Variants in SLC36A1 observed in about 807,000 individuals in gnomAD.
SLC36A1 encodes the protein solute carrier family 36 member 1.
SLC36A1 carries 30 observed loss-of-function variants against 47.5 expected under a neutral mutation model. The ratio of observed to expected loss-of-function variants is 0.63; its 90% CI spans 0.47 to 0.86. SLC36A1 has a LOEUF of 0.86. SLC36A1 is among the 40% of genes least tolerant of loss of function. The pLI is 0.00. For synonymous variants in SLC36A1, 255 were observed against 249.7 expected (o/e 1.02, Z -0.20); for missense variants, 517 against 606.0 (o/e 0.85, Z 1.54).
intron 3 of SLC36A1, 111 bp from the exon 4 acceptor site, chr5:151,464,403 G>T: frequency 1.1e-6 from 1 of 919,010 alleles, no homozygotes. Context: ...TTTTGTCACT[G>T]AAAACTGCCT....
chr5:151,466,182 C>A (rs116802767), intron 5 of SLC36A1, among the ~76,000 whole-genome samples: 1,657 of 152,204 alleles, frequency 0.011, 19 homozygotes, highest in Middle Eastern at 0.02. Flanking sequence ...TTTCTTCCGC[C>A]CTCCTTCCCT....
At chr5:151,405,376 G>T in the SLC36A1 span, among the ~76,000 whole-genome samples, 1 of 135,316 alleles carries the variant, frequency 7.4e-6, no homozygotes, top group Non-Finnish European at 1.5e-5. Flanking sequence ...TTGAGATAGG[G>T]TGTTGCTCTG....
the SLC36A1 span, chr5:151,504,774 T>C: frequency 6.6e-6 from 1 of 152,568 alleles, no homozygotes; most frequent in Non-Finnish European, 1.5e-5. Flanking sequence ...TTCCATGAGG[T>C]CTGAATTCTT....
rs377676191 is a variant in SLC36A1 at position 151,488,149 on chromosome 5, C to G, written c.1326C>G (p.Ile442Met). The change falls in exon 11 of 11, where the codon ATC (isoleucine) becomes ATG (methionine). Residue 442 changes from isoleucine (I) to methionine (M), a missense_variant. Physicochemically the swap from Ile to Met is conservative, Grantham distance 10 (BLOSUM62 1). Coordinates refer to ENST00000243389, the MANE Select transcript of SLC36A1 (RefSeq NM_078483.4). The stretch of plus-strand genomic sequence containing the variant: ...TCTTTAAGGACGCCCTGATCAGCAT[C>G]CTGGGCTTCGTGGGCTTTGTGGTGG... ...LTIFKDALISILGFVGFVVGT... is the reference protein window; with the variant it reads ...LTIFKDALISMLGFVGFVVGT... 13 of 1,614,080 alleles carry G rather than the reference C, an allele frequency of 8.1e-6. No homozygotes were observed. In the Admixed American group the frequency reaches 8.3e-5, roughly 10 times the overall value.
chr5:151,382,295 C>T, the SLC36A1 span: 22 of 1,206,978 alleles, frequency 1.8e-5, no homozygotes, highest in Non-Finnish European at 2.6e-5. Context: ...AGAGTGCCCT[C>T]AACCTGCACA....
At chr5:151,529,437 T>C in the SLC36A1 span, 1 of 1,567,370 alleles carries the variant, frequency 6.4e-7, no homozygotes, top group Non-Finnish European at 8.8e-7. Context: ...AGTTGGGCCC[T>C]CAAAGGCGCA....
At chr5:151,539,109 G>A in the SLC36A1 span, among the ~76,000 whole-genome samples, 1 of 152,100 alleles carries the variant, frequency 6.6e-6, no homozygotes. Context: ...TGGTTGTAAT[G>A]ATGGCTGAGG....
intron 1 of SLC36A1, among the ~76,000 whole-genome samples, chr5:151,454,798 C>T (rs1387430413): frequency 6.0e-5 from 9 of 150,856 alleles, no homozygotes; most frequent in Non-Finnish European, 7.4e-5. Context: ...CTGCAAGCTC[C>T]GCCTCCCGGG....
chr5:151,363,567 TCAGATCATCCC>T, the SLC36A1 span, among the ~76,000 whole-genome samples: 1 of 152,184 alleles, frequency 6.6e-6, no homozygotes, highest in African/African-American at 2.4e-5. Context: ...CATTTTGGAA[TCAGATCATCCC>T]CAGAGCTTAT....
chr5:151,532,996 G>A, the SLC36A1 span, among the ~76,000 whole-genome samples: 1 of 152,214 alleles, frequency 6.6e-6, no homozygotes, highest in South Asian at 2.1e-4. Flanking sequence ...ACAGAGAGAT[G>A]CTGGTCAAAC....
chr5:151,464,462 C>CT (rs1554112053), intron 3 of SLC36A1, 52 bp from the exon 4 acceptor site: 2 of 1,517,572 alleles, frequency 1.3e-6, no homozygotes, highest in African/African-American at 1.4e-5. Flanking sequence ...GGGTTCACTC[C>CT]TAATTCTACC....
chr5:151,502,612 C>A, the SLC36A1 span, among the ~76,000 whole-genome samples: 1 of 148,086 alleles, frequency 6.8e-6, no homozygotes, highest in Non-Finnish European at 1.5e-5. Flanking sequence ...CCGCACCGCA[C>A]ACCCATTAGA....
the SLC36A1 span, among the ~76,000 whole-genome samples, chr5:151,402,819 G>A: frequency 5.9e-5 from 9 of 152,150 alleles, no homozygotes; most frequent in South Asian, 1.2e-3. Flanking sequence ...AATCTCTGAG[G>A]ATCATATGTA....
chr5:151,353,430 T>A, the SLC36A1 span, among the ~76,000 whole-genome samples: 3 of 152,174 alleles, frequency 2.0e-5, no homozygotes, highest in Non-Finnish European at 4.4e-5. Flanking sequence ...AGAGCAGTCT[T>A]AGGTTCACAG....
At position 151,458,783 on chromosome 5, in the gene SLC36A1, C is replaced by T. The variant is rs914297576; in HGVS notation, c.-5-5C>T. On this transcript the variant is annotated splice_region_variant and splice_polypyrimidine_tract_variant and intron_variant, in intron 1 of 10. Coordinates refer to ENST00000243389, the MANE Select transcript of SLC36A1 (RefSeq NM_078483.4). Reference sequence around the variant, plus strand: ...GAGGTCTTAATGCTGGCCCTGTCCCCCCAGCTGCCATGTCCACGCAGAGAC... The same window carrying T: ...GAGGTCTTAATGCTGGCCCTGTCCCTCCAGCTGCCATGTCCACGCAGAGAC... 2.5e-6 allele frequency: 4 copies of T among 1,612,990 alleles called. No homozygotes were observed. Among genetic ancestry groups the T allele is most frequent in the African/African-American group, 2.7e-5 (2 of 74,892 alleles).
At chr5:151,539,512 A>G in the SLC36A1 span, among the ~76,000 whole-genome samples, 3 of 152,258 alleles carry the variant, frequency 2.0e-5, no homozygotes, top group South Asian at 6.2e-4. Context: ...ATGCATAGGT[A>G]TTTGCCTGTG....
chr5:151,364,448 T>A, the SLC36A1 span, among the ~76,000 whole-genome samples: 3 of 152,226 alleles, frequency 2.0e-5, no homozygotes, highest in Non-Finnish European at 4.4e-5. Flanking sequence ...CATCAATGCA[T>A]GAGGGTTCCA....
At chr5:151,376,252 C>T in the SLC36A1 span, among the ~76,000 whole-genome samples, 5 of 152,078 alleles carry the variant, frequency 3.3e-5, no homozygotes, top group Non-Finnish European at 7.4e-5. Context: ...TTAAGATAAT[C>T]ATATTGTTTT....
intron 10 of SLC36A1, 193 bp downstream of exon 10, chr5:151,479,682 AAAGAAC>A: frequency 1.7e-6 from 1 of 595,856 alleles, no homozygotes; most frequent in East Asian, 2.8e-5. Context: ...TATGTACTGT[AAAGAAC>A]ATGGGAATGA....
Sources: allele counts gnomAD v4.1 joint callset (sites outside exome capture counted in the v4.1 genomes callset), GRCh38; gene constraint gnomAD v4.1.1; transcripts MANE v1.5; gene names NCBI Gene and HGNC (gene_info 2026-07-23, HGNC 2026-07-21).